The following SPATA13 variants were observed in gnomAD, a reference collection of about 807,000 sequenced individuals.
SPATA13 encodes the protein spermatogenesis associated 13.
A neutral mutation model predicts 104.0 loss-of-function variants in SPATA13; 50 were observed. That is an observed-to-expected ratio of 0.48 (90% CI 0.38 to 0.61). The LOEUF is 0.61. SPATA13 is among the 20% of genes least tolerant of loss of function. The pLI is 0.00. For synonymous variants in SPATA13, 606 were observed against 667.5 expected (o/e 0.91, Z 1.42); for missense variants, 1,524 against 1,690.6 (o/e 0.90, Z 1.73).
Position 24,278,656 on chromosome 13 carries a change from A to G in SPATA13, c.2165-5479A>G, listed in dbSNP as rs770089041. Reference sequence around the variant, plus strand: ...TCATTCCACTTGAGGCTCAAAGCACACCAATAACAAGTACTTGTTCAGAAT... The same window carrying G: ...TCATTCCACTTGAGGCTCAAAGCACGCCAATAACAAGTACTTGTTCAGAAT... On this transcript the variant is annotated intron_variant, in intron 4 of 12. Transcript: ENST00000382108. The G allele has an allele frequency of 1.6e-5, 24 of 1,501,782 alleles. No homozygotes were observed. The East Asian group carries it at 5.6e-4, about 35-fold the overall frequency. The allele number at this position is 1,501,782 out of a possible 1,614,324, so 93.0% of individuals were successfully genotyped here.
intron 3 of SPATA13, among the ~76,000 whole-genome samples, chr13:24,149,331 G>T (rs989624294): frequency 2.0e-5 from 3 of 152,196 alleles, no homozygotes; most frequent in African/African-American, 7.2e-5. Context: ...GGCATCGTTT[G>T]TCATTCTCTT....
chr13:24,263,187 C>T (rs564638234), intron 4 of SPATA13, among the ~76,000 whole-genome samples: 219 of 152,302 alleles, frequency 1.4e-3, no homozygotes, highest in African/African-American at 5.0e-3. Flanking sequence ...TGAATTATCT[C>T]TTGCTGCTTC....
chr13:24,038,586 T>C (rs1877801562), intron 3 of SPATA13, among the ~76,000 whole-genome samples: 1 of 151,874 alleles, frequency 6.6e-6, no homozygotes, highest in South Asian at 2.1e-4. Context: ...GTGCCGAGAG[T>C]AAGGATTTTA....
chr13:24,150,836 A>G (rs1322608251), intron 3 of SPATA13, among the ~76,000 whole-genome samples: 1 of 152,112 alleles, frequency 6.6e-6, no homozygotes, highest in African/African-American at 2.4e-5. Flanking sequence ...TCCTTTACTC[A>G]AGTCTAGTGA....
intron 3 of SPATA13, among the ~76,000 whole-genome samples, chr13:24,141,649 T>C (rs1881764735): frequency 6.6e-6 from 1 of 152,212 alleles, no homozygotes; most frequent in Non-Finnish European, 1.5e-5. Flanking sequence ...GTCATGTTCA[T>C]CCTTGCAGCC....
At chr13:24,274,830 G>A (rs1390823292) in intron 4 of SPATA13, among the ~76,000 whole-genome samples, 1 of 152,210 alleles carries the variant, frequency 6.6e-6, no homozygotes, top group African/African-American at 2.4e-5. Context: ...GATGCTGGGT[G>A]GGAGATGCTG....
intron 3 of SPATA13, among the ~76,000 whole-genome samples, chr13:24,024,680 G>GTTATGTA (rs1483194418): frequency 9.7e-6 from 1 of 103,462 alleles, no homozygotes; most frequent in East Asian, 2.3e-4. Flanking sequence ...AATATTTGAT[G>GTTATGTA]ACATAAAAAT....
Position 24,251,757 on chromosome 13 carries a change from C to T in SPATA13, c.2059C>T (p.Pro687Ser). 6.2e-7 allele frequency: 1 copy of T among 1,614,198 alleles called. No individual in the cohort carries two copies. The highest frequency in any genetic ancestry group is 8.5e-7 in the Non-Finnish European group (1 of 1,180,014). Residue 687 changes from proline to serine, a missense_variant, in exon 4 of 13, where the codon CCC (proline) becomes TCC (serine). Pro to Ser is a moderately conservative substitution (Grantham distance 74). Transcript: ENST00000382108. ...GCCCATGCCTGCTCACCAGGTGCCA[C>T]CCTACAAGGCTGTGTCGGCCCGGTT... ...RPPMPAHQVP[P>S]YKAVSARFRP...
chr13:24,239,753 A>G (rs1222925245), intron 2 of SPATA13, among the ~76,000 whole-genome samples: 1 of 150,580 alleles, frequency 6.6e-6, no homozygotes, highest in African/African-American at 2.5e-5. Flanking sequence ...ATTCAGAGCT[A>G]AAATATGGTT....
At chr13:23,992,823 GT>G (rs1232193516) in intron 2 of SPATA13, among the ~76,000 whole-genome samples, 1 of 152,190 alleles carries the variant, frequency 6.6e-6, no homozygotes, top group Admixed American at 6.5e-5. Context: ...GGGAAACACT[GT>G]CTAGACTGTC....
intron 2 of SPATA13, among the ~76,000 whole-genome samples, chr13:24,227,630 G>A (rs1275706799): frequency 6.6e-6 from 1 of 152,070 alleles, no homozygotes; most frequent in Non-Finnish European, 1.5e-5. Flanking sequence ...GAATGCAGTG[G>A]TGCGATCTTG....
At chr13:23,994,969 G>T (rs1452540998) in intron 2 of SPATA13, among the ~76,000 whole-genome samples, 1 of 152,176 alleles carries the variant, frequency 6.6e-6, no homozygotes, top group Admixed American at 6.5e-5. Flanking sequence ...CCTCCCAGGG[G>T]ACATCTGGCA....
At position 24,054,893 on chromosome 13, in the gene SPATA13, T is replaced by C. The variant is rs140187737; in HGVS notation, c.-112+37192T>C. Among the ~76,000 whole-genome samples the C allele has an allele frequency of 1.6e-3, 237 of 152,348 alleles. 1 individual carries two copies. The highest frequency in any genetic ancestry group is 5.2e-3 in the African/African-American group (216 of 41,586). On this transcript the variant is annotated intron_variant, in intron 3 of 14. Coordinates refer to the SPATA13 transcript ENST00000424834. ...CAGATCATACAATAACAGCGCTCACTTCTTGTGATCATATGTCCCAGCATT... is the reference window on the plus strand; with the variant it reads ...CAGATCATACAATAACAGCGCTCACCTCTTGTGATCATATGTCCCAGCATT...
chr13:24,095,234 C>G (rs1351762897), intron 3 of SPATA13, among the ~76,000 whole-genome samples: 1 of 152,094 alleles, frequency 6.6e-6, no homozygotes, highest in Non-Finnish European at 1.5e-5. Flanking sequence ...CATAATTTCA[C>G]AAAAAGAAGA....
chr13:24,242,461 T>C (rs1872895139), intron 2 of SPATA13, among the ~76,000 whole-genome samples: 1 of 152,222 alleles, frequency 6.6e-6, no homozygotes, highest in South Asian at 2.1e-4. Context: ...ATTTTGCATC[T>C]TTCTTACCTA....
intron 2 of SPATA13, among the ~76,000 whole-genome samples, chr13:24,240,011 A>G (rs777112959): frequency 2.6e-5 from 4 of 151,848 alleles, no homozygotes; most frequent in Non-Finnish European, 5.9e-5. Flanking sequence ...CAGGCATAAA[A>G]TTGCAACCTA....
chr13:24,265,168 C>A (rs577981605), intron 4 of SPATA13, among the ~76,000 whole-genome samples: 1 of 152,328 alleles, frequency 6.6e-6, no homozygotes, highest in South Asian at 2.1e-4. Context: ...ATGGGGCCCG[C>A]CCCTCCTGTG....
intron 3 of SPATA13, among the ~76,000 whole-genome samples, chr13:24,130,782 A>G (rs9551067): frequency 0.57 from 86,421 of 151,358 alleles, 24,886 homozygotes; most frequent in African/African-American, 0.62. Flanking sequence ...CAAACACGCT[A>G]TTTTCCTGGA....
At chr13:24,015,322 AT>A (rs1876661155) in intron 2 of SPATA13, among the ~76,000 whole-genome samples, 1 of 152,096 alleles carries the variant, frequency 6.6e-6, no homozygotes, top group East Asian at 1.9e-4. Context: ...ACATTATTTA[AT>A]TTTTTTCCCA....
Sources: allele counts gnomAD v4.1 joint callset (sites outside exome capture counted in the v4.1 genomes callset), GRCh38; gene constraint gnomAD v4.1.1; transcripts MANE v1.5; gene names NCBI Gene and HGNC (gene_info 2026-07-23, HGNC 2026-07-21).